PCM1: variants seen among roughly 807,000 people sequenced by gnomAD.
PCM1 encodes the protein pericentriolar material 1.
In PCM1, 157 loss-of-function variants were observed where a neutral mutation model predicts 241.9. The ratio of observed to expected loss-of-function variants is 0.65; its 90% CI spans 0.57 to 0.74. The LOEUF (loss-of-function observed/expected upper bound fraction) is 0.74, where lower values mean the gene tolerates loss of function less well. Among genes scored for constraint, PCM1 ranks in the 30% least tolerant of loss-of-function variants. The pLI is 0.00. For missense variants in PCM1, 3,478 were observed against 2,360.1 expected (o/e 1.47, Z -9.81); for synonymous variants, 1,085 against 784.9 (o/e 1.38, Z -6.39).
At chr8:17,997,743 C>T (rs1044280705) in intron 29 of PCM1, among the ~76,000 whole-genome samples, 43 of 151,702 alleles carry the variant, frequency 2.8e-4, no homozygotes, top group Admixed American at 4.6e-4. Flanking sequence ...TCTGAATTCC[C>T]GGCCAGGTGC....
At chr8:17,961,468 G>A (rs914921008) in intron 15 of PCM1, among the ~76,000 whole-genome samples, 1 of 151,862 alleles carries the variant, frequency 6.6e-6, no homozygotes, top group Admixed American at 6.6e-5. Flanking sequence ...CCGCCACCAC[G>A]CCCGGCTAAT....
chr8:17,969,755 A>C lies in PCM1; in HGVS notation c.3584+7A>C, dbSNP rs2076222248. On this transcript the variant is annotated splice_region_variant and intron_variant, in intron 22 of 38. Coordinates refer to ENST00000325083, the MANE Select transcript of PCM1 (RefSeq NM_006197.4). Reference sequence around the variant, plus strand: ...TTGGAGCAGAGAAACCAAGGTACTGATTGTAAACAGTCTTTTATTGCTTAA... The same window carrying C: ...TTGGAGCAGAGAAACCAAGGTACTGCTTGTAAACAGTCTTTTATTGCTTAA... 1 of 1,547,660 alleles carries C rather than the reference A, an allele frequency of 6.5e-7. No homozygotes were observed.
intron 23 of PCM1, among the ~76,000 whole-genome samples, chr8:17,975,409 C>T (rs768530089): frequency 6.6e-6 from 1 of 152,076 alleles, no homozygotes; most frequent in East Asian, 1.9e-4. Flanking sequence ...GTGATCCACC[C>T]CCATTGGCCT....
chr8:18,006,100 G>C, intron 29 of PCM1, 163 bp from the exon 30 acceptor site: 1 of 612,308 alleles, frequency 1.6e-6, no homozygotes, highest in Non-Finnish European at 2.7e-6. Context: ...TAAAGTAGGA[G>C]TTTGGCTTTT....
chr8:17,955,697 G>C, intron 10 of PCM1, 44 bp downstream of exon 10: 1 of 1,409,460 alleles, frequency 7.1e-7, no homozygotes, highest in Non-Finnish European at 1.0e-6. Flanking sequence ...TAAATAATAG[G>C]GATAAATTCT....
chr8:18,012,539 A>G (rs1356396203), intron 34 of PCM1, among the ~76,000 whole-genome samples: 2 of 152,180 alleles, frequency 1.3e-5, no homozygotes, highest in African/African-American at 4.8e-5. Context: ...TCTATGGATG[A>G]GGCGGTGCTT....
At chr8:17,946,815 AG>A (rs1483672893) in intron 6 of PCM1, among the ~76,000 whole-genome samples, 1 of 147,236 alleles carries the variant, frequency 6.8e-6, no homozygotes, top group Non-Finnish European at 1.5e-5. Flanking sequence ...CCTTTTCTGT[AG>A]GGGCCTAGAT....
Position 17,985,632 on chromosome 8 carries a change from TA to T in PCM1, c.4281+15del. On this transcript the variant is annotated intron_variant, in intron 25 of 38. Transcript: ENST00000325083. ...ATATGCATTGCAGGTATCTGGTACC[TA>T]ACATAATTTTTCCTACCCTATTATC... 1 of 1,588,172 alleles carries T rather than the reference TA, an allele frequency of 6.3e-7. No individual in the cohort carries two copies. The highest frequency in any genetic ancestry group is 8.6e-7 in the Non-Finnish European group (1 of 1,163,874).
At chr8:18,013,823 CCTT>C (rs1167859296) in intron 34 of PCM1, 138 bp from the exon 35 acceptor site, 6 of 603,534 alleles carry the variant, frequency 9.9e-6, no homozygotes, top group Middle Eastern at 5.8e-4. Context: ...AAAGCCGCCT[CCTT>C]GAAATAGTTT....
intron 22 of PCM1, among the ~76,000 whole-genome samples, chr8:17,971,140 C>G (rs1265710130): frequency 6.6e-6 from 1 of 152,148 alleles, no homozygotes; most frequent in Non-Finnish European, 1.5e-5. Context: ...TTTCATTTGT[C>G]ACAAACTTTT....
intron 30 of PCM1, among the ~76,000 whole-genome samples, chr8:18,008,651 C>G (rs890107502): frequency 1.3e-5 from 2 of 152,082 alleles, no homozygotes; most frequent in Non-Finnish European, 2.9e-5. Flanking sequence ...TGCATAGTTA[C>G]AACAGTCTAA....
intron 29 of PCM1, among the ~76,000 whole-genome samples, chr8:17,995,304 G>A (rs1260527180): frequency 1.3e-5 from 2 of 151,326 alleles, no homozygotes; most frequent in African/African-American, 4.9e-5. Context: ...CCCACTGTAT[G>A]TTCTTGGCAC....
At chr8:17,932,180 T>G (rs1427866864) in intron 2 of PCM1, among the ~76,000 whole-genome samples, 1 of 152,286 alleles carries the variant, frequency 6.6e-6, no homozygotes, top group Non-Finnish European at 1.5e-5. Context: ...CTAATAGCAT[T>G]GATTTTGTCA....
At chr8:17,927,023 C>G (rs1258457040) in intron 2 of PCM1, 1 of 151,568 alleles carries the variant, frequency 6.6e-6, no homozygotes, top group Non-Finnish European at 1.5e-5. Context: ...CAGTTACTGT[C>G]AGGAAAAGTA....
Position 17,990,012 on chromosome 8 carries a change from C to T in PCM1, c.4531+33C>T, listed in dbSNP as rs745780753. 25 of 1,484,382 alleles carry T rather than the reference C, an allele frequency of 1.7e-5. No homozygotes were observed. The South Asian group carries it at 3.1e-4, about 18-fold the overall frequency. The allele number at this position is 1,484,382 out of a possible 1,614,324, so 92.0% of individuals were successfully genotyped here. A position where few individuals can be genotyped will look rare whatever the true frequency, so the allele number is the denominator to read the frequency against. ...GAATTGTTTATAATCTTAGAAACAA[C>T]TTTAAGTTGATCTGGTCCAGTCTTT... On this transcript the variant is annotated intron_variant, in intron 27 of 38. Coordinates refer to ENST00000325083, the MANE Select transcript of PCM1 (RefSeq NM_006197.4).
intron 6 of PCM1, among the ~76,000 whole-genome samples, chr8:17,942,632 A>G (rs1358555387): frequency 1.3e-5 from 2 of 151,754 alleles, no homozygotes; most frequent in African/African-American, 2.4e-5. Context: ...TTGGTTTTTT[A>G]ATTTTCCATG....
chr8:18,003,269 C>CAAG (rs1192359108), intron 29 of PCM1, among the ~76,000 whole-genome samples: 5 of 152,202 alleles, frequency 3.3e-5, no homozygotes, highest in Non-Finnish European at 1.5e-5. Flanking sequence ...GAATCTTCAA[C>CAAG]CCTCAACTGT....
chr8:17,941,359 AT>A (rs1236128522), intron 6 of PCM1, among the ~76,000 whole-genome samples: 3 of 152,188 alleles, frequency 2.0e-5, no homozygotes, highest in Non-Finnish European at 1.5e-5. Context: ...AAGTTGACTA[AT>A]AACATGTAGC....
intron 20 of PCM1, 103 bp from the exon 21 acceptor site, chr8:17,966,877 C>G: frequency 9.5e-7 from 1 of 1,051,894 alleles, no homozygotes; most frequent in South Asian, 1.5e-5. Flanking sequence ...AGCAGTTTGT[C>G]TGCATGCTTT....
Sources: allele counts gnomAD v4.1 joint callset (sites outside exome capture counted in the v4.1 genomes callset), GRCh38; gene constraint gnomAD v4.1.1; transcripts MANE v1.5; gene names NCBI Gene and HGNC (gene_info 2026-07-23, HGNC 2026-07-21).